The following NTRK2 variants were observed in gnomAD, a reference collection of about 807,000 sequenced individuals.
NTRK2 encodes the protein BDNF/NT-3 growth factors receptor.
NTRK2 carries 13 observed loss-of-function variants against 94.5 expected under a neutral mutation model. The ratio of observed to expected loss-of-function variants is 0.14; its 90% CI spans 0.09 to 0.22. The LOEUF (loss-of-function observed/expected upper bound fraction) is 0.22, where lower values mean the gene tolerates loss of function less well. NTRK2 is among the 10% of genes least tolerant of loss of function. The pLI is 1.00. For missense variants in NTRK2, 639 were observed against 1,071.2 expected (o/e 0.60, Z 5.63); for synonymous variants, 372 against 407.4 (o/e 0.91, Z 1.05).
chr9:84,685,555 T>C (rs1381104922), intron 2 of NTRK2, among the ~76,000 whole-genome samples: 1 of 152,170 alleles, frequency 6.6e-6, no homozygotes, highest in Non-Finnish European at 1.5e-5. Flanking sequence ...GACAACTTCT[T>C]ATCAAGTCTT....
intron 17 of NTRK2, among the ~76,000 whole-genome samples, chr9:84,989,641 C>T (rs1389438989): frequency 6.6e-6 from 1 of 152,206 alleles, no homozygotes; most frequent in African/African-American, 2.4e-5. Flanking sequence ...GAGTTTTTGA[C>T]CTGCAGTTTA....
At chr9:85,015,997 G>T (rs1278093766) in intron 17 of NTRK2, among the ~76,000 whole-genome samples, 1 of 152,186 alleles carries the variant, frequency 6.6e-6, no homozygotes, top group African/African-American at 2.4e-5. Context: ...ACTTTTAGGG[G>T]CATTACTTGC....
intron 17 of NTRK2, among the ~76,000 whole-genome samples, chr9:84,979,205 C>A (rs1827275629): frequency 6.6e-6 from 1 of 152,186 alleles, no homozygotes; most frequent in South Asian, 2.1e-4. Flanking sequence ...TGGCTCTGGG[C>A]AAAGTCAATG....
At chr9:84,699,178 A>C (rs1402089513) in intron 2 of NTRK2, among the ~76,000 whole-genome samples, 2 of 151,978 alleles carry the variant, frequency 1.3e-5, no homozygotes, top group Non-Finnish European at 2.9e-5. Context: ...CTGGGACTAC[A>C]GGTACCCGCC....
At chr9:84,822,807 G>A (rs2072935413) in intron 12 of NTRK2, among the ~76,000 whole-genome samples, 1 of 152,152 alleles carries the variant, frequency 6.6e-6, no homozygotes, top group Non-Finnish European at 1.5e-5. Context: ...TGCAAATGAG[G>A]CGATAAATTC....
chr9:84,672,699 A>G (rs1389802821), intron 2 of NTRK2, among the ~76,000 whole-genome samples: 2 of 152,192 alleles, frequency 1.3e-5, no homozygotes, highest in East Asian at 3.8e-4. Flanking sequence ...CTGTTTGATA[A>G]TTTTAAGGCC....
chr9:84,714,309 T>G (rs1237808411), intron 6 of NTRK2, among the ~76,000 whole-genome samples: 1 of 152,210 alleles, frequency 6.6e-6, no homozygotes, highest in Non-Finnish European at 1.5e-5. Context: ...TTTCGGTCCT[T>G]TGAAAGCCTC....
At chr9:85,000,277 G>A (rs1266354313) in intron 17 of NTRK2, among the ~76,000 whole-genome samples, 1 of 152,068 alleles carries the variant, frequency 6.6e-6, no homozygotes, top group African/African-American at 2.4e-5. Context: ...CTTACATTAA[G>A]GTTCACTCTT....
chr9:84,882,911 G>A (rs1253677953), intron 14 of NTRK2, among the ~76,000 whole-genome samples: 4 of 152,060 alleles, frequency 2.6e-5, no homozygotes, highest in African/African-American at 9.7e-5. Flanking sequence ...CTACAGACAG[G>A]CACTACCACA....
chr9:84,886,660 G>A (rs2076424483), intron 14 of NTRK2, among the ~76,000 whole-genome samples: 1 of 152,164 alleles, frequency 6.6e-6, no homozygotes, highest in South Asian at 2.1e-4. Flanking sequence ...TGAATATATT[G>A]CATGAGAAGA....
intron 12 of NTRK2, chr9:84,814,082 C>T (rs2072110359): frequency 9.4e-7 from 1 of 1,065,254 alleles, no homozygotes; most frequent in Non-Finnish European, 1.1e-6. Context: ...GGTTTTCTCT[C>T]CCAGTCTCCC....
chr9:84,968,218 C>G (rs922404391), intron 17 of NTRK2, among the ~76,000 whole-genome samples: 1 of 152,162 alleles, frequency 6.6e-6, no homozygotes, highest in African/African-American at 2.4e-5. Flanking sequence ...CTCCTGTTCT[C>G]AAACAAAAAC....
At chr9:84,922,762 C>T (rs2077609545) in intron 14 of NTRK2, among the ~76,000 whole-genome samples, 1 of 152,202 alleles carries the variant, frequency 6.6e-6, no homozygotes, top group Non-Finnish European at 1.5e-5. Flanking sequence ...CTTCCTCTTA[C>T]TCATCCTTGA....
intron 17 of NTRK2, among the ~76,000 whole-genome samples, chr9:85,010,960 A>G (rs1331392473): frequency 6.6e-6 from 1 of 152,172 alleles, no homozygotes; most frequent in African/African-American, 2.4e-5. Flanking sequence ...CTGAAGCAAC[A>G]TGGAGTCCAG....
At chr9:84,761,804 G>C (rs910686620) in intron 12 of NTRK2, among the ~76,000 whole-genome samples, 36 of 152,100 alleles carry the variant, frequency 2.4e-4, no homozygotes, top group Admixed American at 2.4e-3. Flanking sequence ...TATTTAGTTG[G>C]CATTCCCAGT....
intron 12 of NTRK2, among the ~76,000 whole-genome samples, chr9:84,791,138 A>T (rs2068685466): frequency 2.6e-5 from 4 of 152,192 alleles, no homozygotes; most frequent in Admixed American, 2.6e-4. Context: ...AACTTATGCA[A>T]AAAGTTTTAA....
intron 14 of NTRK2, among the ~76,000 whole-genome samples, chr9:84,895,248 A>C (rs552696681): frequency 6.6e-6 from 1 of 152,342 alleles, no homozygotes; most frequent in East Asian, 1.9e-4. Context: ...ACTTTCTCTG[A>C]ATCTGGAGAT....
chr9:84,696,887 T>C (rs1220317167), intron 2 of NTRK2, among the ~76,000 whole-genome samples: 1 of 152,108 alleles, frequency 6.6e-6, no homozygotes, highest in Non-Finnish European at 1.5e-5. Flanking sequence ...GTTAATGACC[T>C]TGGGATGTAG....
intron 12 of NTRK2, among the ~76,000 whole-genome samples, chr9:84,820,545 A>G (rs1299467813): frequency 6.6e-6 from 1 of 152,142 alleles, no homozygotes; most frequent in Non-Finnish European, 1.5e-5. Flanking sequence ...ATCTACATGT[A>G]TTTTACGCAT....
Sources: gnomAD v4.1 joint callset for allele counts (sites outside exome capture counted in the v4.1 genomes callset) on GRCh38, gnomAD v4.1.1 for gene constraint, MANE v1.5 for transcripts, NCBI Gene and HGNC (gene_info 2026-07-23, HGNC 2026-07-21) for gene names.